Variants in TM7SF2 observed in about 807,000 individuals in gnomAD.
The protein encoded by TM7SF2 is transmembrane 7 superfamily member 2.
Under a neutral mutation model 51.0 loss-of-function variants are expected in TM7SF2, and 51 were observed. The ratio of observed to expected loss-of-function variants is 1.00; its 90% confidence interval spans 0.80 to 1.26. TM7SF2 has a LOEUF of 1.26. Among genes scored for constraint, TM7SF2 ranks in the 50% most tolerant of loss-of-function variants. The pLI, the probability that TM7SF2 is intolerant of heterozygous loss-of-function variation, is 0.00. For synonymous variants in TM7SF2, 255 were observed against 241.0 expected (o/e 1.06, Z -0.54); for missense variants, 541 against 547.4 (o/e 0.99, Z 0.12).
chr11:65,112,605 C>T lies in TM7SF2; in HGVS notation c.143C>T (p.Pro48Leu). ...RSGPARLLGPPASLPGLEVLW... is the reference protein window; with the variant it reads ...RSGPARLLGPLASLPGLEVLW... ...GGCCCCGCGCGCCTGCTGGGTCCAC[C>T]CGCGTCCCTGCCGGGGCTGGAGGTG... The change falls in exon 2 of 10, where the codon CCC becomes CTC. Residue 48 changes from proline (P) to leucine (L), a missense_variant. Pro to Leu is a moderately conservative substitution (Grantham distance 98, BLOSUM62 -3). Coordinates refer to ENST00000279263, the MANE Select transcript of TM7SF2 (RefSeq NM_003273.6). 6.6e-7 allele frequency: 1 copy of T among 1,519,146 alleles called. No individual in the cohort carries two copies. The highest frequency in any genetic ancestry group is 8.8e-7 in the Non-Finnish European group (1 of 1,139,394). 94.1% of individuals were successfully genotyped at this position (1,519,146 alleles called of 1,614,324 possible).
rs760734524 is a variant in TM7SF2, at chr11:65,115,081, GGTCA to G, written c.892+6_892+9del. On this transcript the variant is annotated splice_donor_variant and splice_donor_region_variant and intron_variant, in intron 7 of 9. Coordinates refer to ENST00000279263, the MANE Select transcript of TM7SF2 (RefSeq NM_003273.6). LOFTEE classifies it high-confidence loss of function. ...GGCCTCTGTCATCTGCCTCATCAATGGTCAGTCAGGAAGGGGCAGCAGGCTGGGC... is the reference window on the plus strand; with the variant it reads ...GGCCTCTGTCATCTGCCTCATCAATGGTCAGGAAGGGGCAGCAGGCTGGGC... The G allele has an allele frequency of 4.3e-6, 7 of 1,613,046 alleles. No individual in the cohort carries two copies. The South Asian group carries it at 5.5e-5, about 13-fold the overall frequency.
intron 5 of TM7SF2, 62 bp from the exon 6 acceptor site, chr11:65,114,651 G>T: frequency 6.4e-7 from 1 of 1,569,230 alleles, no homozygotes; most frequent in Non-Finnish European, 8.7e-7. Context: ...GCAGAGGCTG[G>T]CCACTGCTCT....
At chr11:65,115,126 C>T (rs1295680171) in intron 7 of TM7SF2, 45 bp downstream of exon 7, 3 of 1,605,112 alleles carry the variant, frequency 1.9e-6, no homozygotes, top group East Asian at 2.2e-5. Context: ...TTCCCCCTAT[C>T]CCTTTGATTC....
At position 65,115,544 on chromosome 11, in the gene TM7SF2, C is replaced by T. The variant is rs1590817739; in HGVS notation, c.1042C>T (p.His348Tyr). The stretch of plus-strand genomic sequence containing the variant: ...GTCTGGGTGGTGGGGTATGGTCCGC[C>T]ATCCCAACTATCTTGGAGACCTCAT... ...LVSGWWGMVR[H>Y]PNYLGDLIMA... The change falls in exon 9 of 10, where the codon CAT (histidine) becomes TAT (tyrosine). Residue 348 changes from histidine (H) to tyrosine (Y), a missense_variant. By Grantham distance (83) the His-to-Tyr change is moderately conservative (BLOSUM62 2). Coordinates refer to ENST00000279263, the MANE Select transcript of TM7SF2 (RefSeq NM_003273.6). 7 of 1,614,106 alleles carry T rather than the reference C, an allele frequency of 4.3e-6. No individual in the cohort carries two copies. Among genetic ancestry groups the T allele is most frequent in the Non-Finnish European group, 5.9e-6 (7 of 1,180,014 alleles).
chr11:65,112,972 G>A (rs1947929482), intron 3 of TM7SF2, 107 bp downstream of exon 3: 1 of 1,386,892 alleles, frequency 7.2e-7, no homozygotes, highest in Admixed American at 2.2e-5. Flanking sequence ...GCTCCTTTGT[G>A]TGCCTCTGTT....
At chr11:65,113,680 T>C (rs1947941825) in intron 5 of TM7SF2, 86 bp downstream of exon 5, 1 of 1,135,334 alleles carries the variant, frequency 8.8e-7, no homozygotes, top group South Asian at 1.2e-5. Context: ...GGGCCAAAAC[T>C]GTGCAGATGC....
At chr11:65,114,312 A>AC (rs36113059) in intron 5 of TM7SF2, among the ~76,000 whole-genome samples, 76,999 of 152,062 alleles carry the variant, frequency 0.51, 19,943 homozygotes, top group East Asian at 0.73. Context: ...CCGGCTAGCC[A>AC]CACTGAGCAC....
Position 65,112,743 on chromosome 11 carries a change from G to A in TM7SF2, c.249+32G>A, listed in dbSNP as rs1407626857. The A allele has an allele frequency of 3.2e-6, 5 of 1,549,082 alleles. No homozygotes were observed. The Admixed American group carries it at 5.9e-5, about 18-fold the overall frequency. On this transcript the variant is annotated intron_variant, in intron 2 of 9. Transcript: ENST00000279263. ...GCCCCGCTCGCGGACGCTCGGGGGA[G>A]GGAAGCGAATGGGCTCGGCGAGGGA...
Position 65,116,031 on chromosome 11 carries a change from G to GC in TM7SF2, c.1236dup (p.Ile413HisfsTer45). Reference sequence around the variant, plus strand: ...GAGTACTGCCGGCGTGTGCCTTACCGCATCATGCCCTACATCTACTGAAGC... The same window carrying GC: ...GAGTACTGCCGGCGTGTGCCTTACCGCCATCATGCCCTACATCTACTGAAGC... On this transcript the variant is annotated frameshift_variant, in exon 10 of 10. Coordinates refer to ENST00000279263, the MANE Select transcript of TM7SF2 (RefSeq NM_003273.6). LOFTEE classifies it high-confidence loss of function. 1 of 1,609,396 alleles carries GC rather than the reference G, an allele frequency of 6.2e-7. No individual in the cohort carries two copies. Among genetic ancestry groups the GC allele is most frequent in the African/African-American group, 1.3e-5 (1 of 74,980 alleles).
chr11:65,115,907 C>G lies in TM7SF2; in HGVS notation c.1111C>G (p.Leu371Val). The change falls in exon 10 of 10, where the codon CTG becomes GTG. Residue 371 changes from leucine to valine, a missense_variant. Physicochemically the swap from Leu to Val is conservative, Grantham distance 32 (BLOSUM62 1). Coordinates refer to ENST00000279263, the MANE Select transcript of TM7SF2 (RefSeq NM_003273.6). ...WSLPCGVSHLLPYFYLLYFTA... is the reference protein window; with the variant it reads ...WSLPCGVSHLVPYFYLLYFTA... ...CTTCTCTACAGGGGTGTCACACCTGCTGCCCTACTTCTACCTCCTCTACTT... is the reference window on the plus strand; with the variant it reads ...CTTCTCTACAGGGGTGTCACACCTGGTGCCCTACTTCTACCTCCTCTACTT... 6.2e-7 allele frequency: 1 copy of G among 1,614,106 alleles called. No individual in the cohort carries two copies.
chr11:65,113,033 C>T, intron 3 of TM7SF2, 168 bp downstream of exon 3: 1 of 1,051,130 alleles, frequency 9.5e-7, no homozygotes, highest in Non-Finnish European at 1.4e-6. Flanking sequence ...GTCCCCACAG[C>T]CTTACCCCAT....
At chr11:65,112,283 G>A in intron 1 of TM7SF2, 1 of 651,062 alleles carries the variant, frequency 1.5e-6, no homozygotes, top group South Asian at 2.0e-5. Flanking sequence ...GGTGTCGACT[G>A]GGAGCAGGAG....
Position 65,115,304 on chromosome 11 carries a change from C to CT in TM7SF2, c.893-9dup, listed in dbSNP as rs1947963363. 6.2e-7 allele frequency: 1 copy of CT among 1,613,790 alleles called. No individual in the cohort carries two copies. Among genetic ancestry groups the CT allele is most frequent in the East Asian group, 2.2e-5 (1 of 44,886 alleles). ...TTGACCTTGACCACCGGTTCACACT[C>CT]TCTCACCAGCTACTGGTTACTACAT... On this transcript the variant is annotated splice_polypyrimidine_tract_variant and intron_variant, in intron 7 of 9. Transcript: ENST00000279263.
intron 1 of TM7SF2, 75 bp downstream of exon 1, chr11:65,112,142 G>A: frequency 6.9e-7 from 1 of 1,452,138 alleles, no homozygotes; most frequent in South Asian, 1.2e-5. Flanking sequence ...CTAAGAGCGG[G>A]GGCGAGATCT....
chr11:65,113,166 G>C, intron 3 of TM7SF2, 54 bp from the exon 4 acceptor site: 1 of 1,491,532 alleles, frequency 6.7e-7, no homozygotes, highest in Non-Finnish European at 8.9e-7. Flanking sequence ...TGTGTTTGCG[G>C]GGTGGGGATG....
In TM7SF2 at chr11:65,113,409, A is replaced by T. The variant is rs548244298; in HGVS notation, c.494A>T (p.Asn165Ile). 6.2e-7 allele frequency: 1 copy of T among 1,614,128 alleles called. No individual in the cohort carries two copies. The highest frequency in any genetic ancestry group is 2.2e-5 in the East Asian group (1 of 44,878). Residue 165 changes from asparagine to isoleucine, a missense_variant, in exon 4 of 10, where the codon AAC (asparagine) becomes ATC (isoleucine). Transcript: ENST00000279263. ...GTTTCGGCCCTGGCACCTGGGGGGA[A>T]CTCAGGTGAGAGGGGTCCTGGGGTG... ...APVSALAPGG[N>I]SGNPIYDFFL...
At position 65,116,124 on chromosome 11, in the gene TM7SF2, GAC is replaced by G; in HGVS notation, c.*76_*77del. 1 of 1,541,214 alleles carries G rather than the reference GAC, an allele frequency of 6.5e-7. No homozygotes were observed. The highest frequency in any genetic ancestry group is 8.7e-7 in the Non-Finnish European group (1 of 1,143,928). ...CAGCACACCCAGGACCAGGAGCCTC[GAC>G]ACACTTGGGACTCAAGGGCTTGCAC... On this transcript the variant is annotated 3_prime_UTR_variant, in exon 10 of 10. Transcript: ENST00000279263.
Position 65,111,990 on chromosome 11 carries a change from CCT to C in TM7SF2, c.-18_-17del, listed in dbSNP as rs879716637. 8.9e-6 allele frequency: 14 copies of C among 1,571,840 alleles called. No individual in the cohort carries two copies. The highest frequency in any genetic ancestry group is 2.3e-5 in the East Asian group (1 of 43,314). On this transcript the variant is annotated 5_prime_UTR_variant, in exon 1 of 10. Coordinates refer to ENST00000279263, the MANE Select transcript of TM7SF2 (RefSeq NM_003273.6). ...TTCCTTGACTGACTATTGTGAGCGC[CCT>C]CTCTCTCCGGCGGAGCGGAGACCAT... is the stretch of plus-strand genomic sequence containing the variant.
intron 1 of TM7SF2, 89 bp downstream of exon 1, chr11:65,112,156 G>A (rs905310164): frequency 1.5e-5 from 20 of 1,364,898 alleles, no homozygotes; most frequent in African/African-American, 2.9e-5. Context: ...GAGATCTGAG[G>A]ATGGAAGGCT....
Sources: gnomAD v4.1 joint callset for allele counts (sites outside exome capture counted in the v4.1 genomes callset) on GRCh38, gnomAD v4.1.1 for gene constraint, MANE v1.5 for transcripts, NCBI Gene and HGNC (gene_info 2026-07-23, HGNC 2026-07-21) for gene names.